The following TSHZ2 variants were observed in gnomAD, a reference collection of about 807,000 sequenced individuals.
TSHZ2 encodes teashirt zinc finger homeobox 2, also known as teashirt homolog 2.
Under a neutral mutation model 74.4 loss-of-function variants are expected in TSHZ2, and 21 were observed. The observed-to-expected ratio is 0.28, with a 90% CI of 0.20 to 0.41. The LOEUF (loss-of-function observed/expected upper bound fraction) is 0.41. Among genes scored for constraint, TSHZ2 ranks in the 10% least tolerant of loss-of-function variants. TSHZ2 has a pLI of 1.00. For synonymous variants in TSHZ2, 540 were observed against 515.3 expected, an observed-to-expected ratio of 1.05 and a Z score of -0.65; for missense variants, 1,244 against 1,293.5, an observed-to-expected ratio of 0.96 and a Z score of 0.59.
chr20:53,436,505 C>T (rs1330177942), intron 2 of TSHZ2, among the ~76,000 whole-genome samples: 1 of 150,636 alleles, frequency 6.6e-6, no homozygotes. Flanking sequence ...GGATCTGGCC[C>T]CAGGGCTTAT....
intron 2 of TSHZ2, among the ~76,000 whole-genome samples, chr20:53,272,570 C>T (rs925518161): frequency 2.0e-5 from 3 of 152,186 alleles, no homozygotes; most frequent in Admixed American, 1.3e-4. Flanking sequence ...GTCTCTCATC[C>T]GTGAGGCAGA....
intron 2 of TSHZ2, among the ~76,000 whole-genome samples, chr20:53,396,858 A>C (rs1982468015): frequency 6.6e-6 from 1 of 151,788 alleles, no homozygotes; most frequent in Non-Finnish European, 1.5e-5. Context: ...AAAAAAAAAA[A>C]AAAAACAGAG....
intron 1 of TSHZ2, among the ~76,000 whole-genome samples, chr20:53,156,985 C>CTT (rs1987810775): frequency 1.3e-5 from 2 of 152,140 alleles, no homozygotes; most frequent in Non-Finnish European, 2.9e-5. Context: ...AGCAGAGAAA[C>CTT]ATTAGACCTT....
intron 1 of TSHZ2, among the ~76,000 whole-genome samples, chr20:52,979,378 G>A (rs925851763): frequency 6.6e-6 from 1 of 152,130 alleles, no homozygotes; most frequent in Admixed American, 6.5e-5. Context: ...AAGCACCTCT[G>A]CAAACACATA....
At chr20:53,077,277 G>A (rs1985395339) in intron 1 of TSHZ2, among the ~76,000 whole-genome samples, 3 of 152,032 alleles carry the variant, frequency 2.0e-5, no homozygotes, top group Non-Finnish European at 4.4e-5. Context: ...ATAGCATGGT[G>A]GCGTGTGCGT....
chr20:53,014,770 G>A (rs1377478484), intron 1 of TSHZ2, among the ~76,000 whole-genome samples: 3 of 152,140 alleles, frequency 2.0e-5, no homozygotes. Context: ...CTCAAGGTCA[G>A]GGACAGGGAC....
chr20:53,105,327 T>C (rs1986329936), intron 1 of TSHZ2, among the ~76,000 whole-genome samples: 1 of 152,228 alleles, frequency 6.6e-6, no homozygotes. Context: ...ATGATTCTTC[T>C]GAGAGGGGCT....
chr20:53,357,519 A>T (rs952983278), intron 2 of TSHZ2, among the ~76,000 whole-genome samples: 13 of 152,102 alleles, frequency 8.5e-5, no homozygotes, highest in South Asian at 8.3e-4. Context: ...AAAAAAAAAT[A>T]AAATTAAATA....
In TSHZ2 at chr20:53,254,733, A is replaced by T; in HGVS notation, c.1275A>T (p.Ala425=). The part of the protein sequence containing the change: ...KGKQLVLDPL[A]VEKMQSLSEA... Reference sequence around the variant, plus strand: ...AGCAGCTGGTATTAGACCCGTTAGCAGTGGAGAAAATGCAGTCGTTGTCTG... The same window carrying T: ...AGCAGCTGGTATTAGACCCGTTAGCTGTGGAGAAAATGCAGTCGTTGTCTG... Residue 425 remains alanine, a synonymous_variant, in exon 2 of 3, where the codon GCA becomes GCT. Transcript: ENST00000371497. 2 of 1,613,850 alleles carry T rather than the reference A, an allele frequency of 1.2e-6. No individual in the cohort carries two copies. Among genetic ancestry groups the T allele is most frequent in the Non-Finnish European group, 1.7e-6 (2 of 1,179,756 alleles).
At chr20:53,336,748 C>G (rs1009700735) in intron 2 of TSHZ2, among the ~76,000 whole-genome samples, 2 of 152,136 alleles carry the variant, frequency 1.3e-5, no homozygotes, top group African/African-American at 4.8e-5. Flanking sequence ...AGAGAAGGCA[C>G]AGGACCAGTT....
chr20:53,310,438 A>T (rs990048422), intron 2 of TSHZ2, among the ~76,000 whole-genome samples: 10 of 152,202 alleles, frequency 6.6e-5, no homozygotes, highest in Admixed American at 5.2e-4. Flanking sequence ...TAATGGCTTT[A>T]AACAACATGT....
intron 2 of TSHZ2, among the ~76,000 whole-genome samples, chr20:53,462,693 G>C (rs898234541): frequency 6.6e-6 from 1 of 152,198 alleles, no homozygotes; most frequent in African/African-American, 2.4e-5. Context: ...AGCTGATTTG[G>C]GGGTGGAGGA....
rs74323677 is a variant in TSHZ2 at position 53,274,438 on chromosome 20, G to T, written c.*8+17867G>T. Among the ~76,000 whole-genome samples the T allele has an allele frequency of 7.0e-3, 1,065 of 152,290 alleles. 7 individuals carry two copies. The highest frequency in any genetic ancestry group is 0.024 in the African/African-American group (1,001 of 41,546). ...CCTCCTCTGAGCCTCCACAGTAGGT[G>T]GTCCTGACTTCTGTGGGAGATTTAC... On this transcript the variant is annotated intron_variant, in intron 2 of 2. Coordinates refer to ENST00000371497, the MANE Select transcript of TSHZ2 (RefSeq NM_173485.6).
rs759993398 is a variant in TSHZ2, at chr20:53,137,296, CT to C, written c.41-116187del. Among the ~76,000 whole-genome samples, 545 of 135,192 alleles carry C rather than the reference CT, an allele frequency of 4.0e-3. 3 individuals are homozygous for C. Among genetic ancestry groups the C allele is most frequent in the African/African-American group, 5.5e-3 (200 of 36,554 alleles). The allele number at this position is 135,192 out of a possible 152,430, so 88.7% of individuals were successfully genotyped here. A position where few individuals can be genotyped will look rare whatever the true frequency, so the allele number is the denominator to read the frequency against. ...ACAGATGGATAATATATTCGTGTTT[CT>C]TTTTTTTTTTTTTTTCATTCTAAAC... is the stretch of plus-strand genomic sequence containing the variant. On this transcript the variant is annotated intron_variant, in intron 1 of 2. Coordinates refer to ENST00000371497, the MANE Select transcript of TSHZ2 (RefSeq NM_173485.6).
Position 53,253,474 on chromosome 20 carries a change from TTCATC to T in TSHZ2, c.41-22_41-18del. 6.4e-7 allele frequency: 1 copy of T among 1,566,810 alleles called. No homozygotes were observed. The highest frequency in any genetic ancestry group is 8.6e-7 in the Non-Finnish European group (1 of 1,158,282). On this transcript the variant is annotated intron_variant, in intron 1 of 2. Transcript: ENST00000371497. Reference sequence around the variant, plus strand: ...GGAATATGGAGCCTGTTACTGTCGTTTCATCTCTTCTTCTTCTCTTGCAGGCTACG... The same window carrying T: ...GGAATATGGAGCCTGTTACTGTCGTTTCTTCTTCTTCTCTTGCAGGCTACG...
At chr20:53,128,856 G>A (rs1023252866) in intron 1 of TSHZ2, among the ~76,000 whole-genome samples, 7 of 152,026 alleles carry the variant, frequency 4.6e-5, no homozygotes, top group Non-Finnish European at 5.9e-5. Context: ...TCCTGACCTC[G>A]GGATCCAATC....
At chr20:53,075,948 G>A (rs1188086982) in intron 1 of TSHZ2, among the ~76,000 whole-genome samples, 1 of 152,144 alleles carries the variant, frequency 6.6e-6, no homozygotes, top group African/African-American at 2.4e-5. Context: ...CTGATTCCTT[G>A]TTCTTTGGCA....
chr20:52,989,436 T>G (rs1010484141), intron 1 of TSHZ2, among the ~76,000 whole-genome samples: 1 of 152,186 alleles, frequency 6.6e-6, no homozygotes, highest in African/African-American at 2.4e-5. Context: ...AAGAAAGAAC[T>G]GTTAAAAAAA....
rs987795070 is a variant in TSHZ2, at chr20:53,485,273, T to G, written c.*9-1871T>G. Among the ~76,000 whole-genome samples the G allele has an allele frequency of 5.3e-5, 8 of 152,344 alleles. No individual in the cohort carries two copies. The East Asian group carries it at 1.3e-3, about 26-fold the overall frequency. ...AATTGCAAACATTAAATGTCCAATATTACATTATCGTAGTATCATAAACTA... is the reference window on the plus strand; with the variant it reads ...AATTGCAAACATTAAATGTCCAATAGTACATTATCGTAGTATCATAAACTA... On this transcript the variant is annotated intron_variant, in intron 2 of 2. Transcript: ENST00000371497.
Sources: gnomAD v4.1 joint callset for allele counts (sites outside exome capture counted in the v4.1 genomes callset) on GRCh38, gnomAD v4.1.1 for gene constraint, MANE v1.5 for transcripts, NCBI Gene and HGNC (gene_info 2026-07-23, HGNC 2026-07-21) for gene names.